PKD2L2: variants seen among roughly 807,000 people sequenced by gnomAD.
The protein encoded by PKD2L2 is polycystin 2 like 2, transient receptor potential cation channel.
Under a neutral mutation model 83.9 loss-of-function variants are expected in PKD2L2, and 67 were observed. That is an observed-to-expected ratio of 0.80 (90% CI 0.66 to 0.98). The LOEUF is 0.98. Ranked by LOEUF, PKD2L2 falls within the 50% of genes least tolerant of loss-of-function variation. The pLI is 0.00. For missense variants in PKD2L2, 632 were observed against 717.2 expected (o/e 0.88, Z 1.36); for synonymous variants, 223 against 237.8 (o/e 0.94, Z 0.57).
chr5:137,894,279 T>C lies in PKD2L2; in HGVS notation c.268-74T>C. On this transcript the variant is annotated intron_variant, in intron 3 of 14. Transcript: ENST00000508883. Reference sequence around the variant, plus strand: ...TGATTTTCATACTCAAAATCTCTTATGCATAATGTTATGAATGTAGATTCT... The same window carrying C: ...TGATTTTCATACTCAAAATCTCTTACGCATAATGTTATGAATGTAGATTCT... 6.4e-6 allele frequency: 8 copies of C among 1,243,114 alleles called. No individual in the cohort carries two copies. In the South Asian group the frequency reaches 9.9e-5, roughly 15 times the overall value. The allele number at this position is 1,243,114 out of a possible 1,614,324, so 77.0% of individuals were successfully genotyped here.
chr5:137,896,807 A>G (rs1206395711), intron 4 of PKD2L2, among the ~76,000 whole-genome samples: 1 of 151,986 alleles, frequency 6.6e-6, no homozygotes. Context: ...GCATCTCAAT[A>G]TAGTTATATC....
intron 8 of PKD2L2, among the ~76,000 whole-genome samples, chr5:137,915,249 G>C (rs1247416153): frequency 6.6e-6 from 1 of 151,930 alleles, no homozygotes; most frequent in East Asian, 1.9e-4. Context: ...TCAGGGTAAT[G>C]CTGGCCATGT....
In PKD2L2 at chr5:137,901,270, T is replaced by C. The variant is rs145009452; in HGVS notation, c.746+1533T>C. ...TACTTTTAGAAAGAGGTTTCACTTTTAAAAATGTCAAGATAGCAGAAGTAG... is the reference window on the plus strand; with the variant it reads ...TACTTTTAGAAAGAGGTTTCACTTTCAAAAATGTCAAGATAGCAGAAGTAG... On this transcript the variant is annotated intron_variant, in intron 5 of 14. Coordinates refer to ENST00000508883, the MANE Select transcript of PKD2L2 (RefSeq NM_001300921.2). Among the ~76,000 whole-genome samples, 544 of 152,260 alleles carry C rather than the reference T, an allele frequency of 3.6e-3. 6 individuals are homozygous for C. Among genetic ancestry groups the C allele is most frequent in the Middle Eastern group, 0.01 (3 of 294 alleles).
intron 2 of PKD2L2, 151 bp downstream of exon 2, chr5:137,890,733 A>G (rs1220508333): frequency 2.0e-6 from 1 of 492,868 alleles, no homozygotes; most frequent in Admixed American, 4.3e-5. Context: ...TCTTAAATTC[A>G]TTTAGATTCA....
At chr5:137,896,210 C>G (rs1172298114) in intron 4 of PKD2L2, among the ~76,000 whole-genome samples, 1 of 151,654 alleles carries the variant, frequency 6.6e-6, no homozygotes, top group Non-Finnish European at 1.5e-5. Flanking sequence ...AGAGAATAGA[C>G]ATTTTTTGTA....
chr5:137,894,229 A>G, intron 3 of PKD2L2, 124 bp from the exon 4 acceptor site: 1 of 822,964 alleles, frequency 1.2e-6, no homozygotes. Context: ...TACCATTACC[A>G]TTAATGGTAG....
intron 8 of PKD2L2, among the ~76,000 whole-genome samples, chr5:137,921,132 G>A (rs1758857353): frequency 6.6e-6 from 1 of 152,106 alleles, no homozygotes; most frequent in Non-Finnish European, 1.5e-5. Flanking sequence ...AGGCCGAGGT[G>A]GGCGGATCAC....
chr5:137,933,259 T>C (rs1760037100), intron 12 of PKD2L2, among the ~76,000 whole-genome samples: 1 of 152,172 alleles, frequency 6.6e-6, no homozygotes, highest in Admixed American at 6.5e-5. Context: ...CATAAAATGA[T>C]GATTCCAAGC....
chr5:137,927,319 T>C (rs1561703918), intron 12 of PKD2L2, among the ~76,000 whole-genome samples: 1 of 152,212 alleles, frequency 6.6e-6, no homozygotes, highest in Admixed American at 6.5e-5. Flanking sequence ...GTCAAAGACA[T>C]ATAATCTTAA....
In PKD2L2 at chr5:137,908,850, C is replaced by A; in HGVS notation, c.1232C>A (p.Ala411Asp). The A allele has an allele frequency of 6.3e-7, 1 of 1,596,082 alleles. No individual in the cohort carries two copies. The highest frequency in any genetic ancestry group is 8.6e-7 in the Non-Finnish European group (1 of 1,164,140). The change falls in exon 8 of 15, where the codon GCC (alanine) becomes GAC (aspartate). Residue 411 changes from alanine (A) to aspartate (D), a missense_variant. By Grantham distance (126) the Ala-to-Asp change is moderately radical. Around this residue, in one of 3 missense-constraint regions of PKD2L2, gnomAD observed 399 missense variants for 416.9 expected, o/e 0.96. Transcript: ENST00000508883. ...TGTGTTAAAGACATAGTAGGATTTG[C>A]CATCATGTTTTTTATAATATTCTTT... ...SRCVKDIVGF[A>D]IMFFIIFFAY...
chr5:137,931,218 T>C (rs1166132246), intron 12 of PKD2L2, among the ~76,000 whole-genome samples: 1 of 152,126 alleles, frequency 6.6e-6, no homozygotes, highest in Non-Finnish European at 1.5e-5. Flanking sequence ...CAAAGAGCTG[T>C]CTCCAAAATC....
chr5:137,892,476 T>A lies in PKD2L2; in HGVS notation c.134-4T>A. ...ATTATTAAACAAAAAATTATTCTCC[T>A]TAGTGACTTTTGGGATGGTAAACCC... is the stretch of plus-strand genomic sequence containing the variant. On this transcript the variant is annotated splice_polypyrimidine_tract_variant and splice_region_variant and intron_variant, in intron 2 of 14. Transcript: ENST00000508883. 1 of 1,461,768 alleles carries A rather than the reference T, an allele frequency of 6.8e-7. No homozygotes were observed. The highest frequency in any genetic ancestry group is 1.4e-5 in the African/African-American group (1 of 69,964). 90.5% of individuals were successfully genotyped at this position (1,461,768 alleles called of 1,614,324 possible). A position where few individuals can be genotyped will look rare whatever the true frequency, so the allele number is the denominator to read the frequency against.
At chr5:137,933,189 G>C (rs2150062405) in intron 12 of PKD2L2, among the ~76,000 whole-genome samples, 1 of 152,220 alleles carries the variant, frequency 6.6e-6, no homozygotes, top group South Asian at 2.1e-4. Context: ...GTATAAGAGG[G>C]TAAATTTTGA....
chr5:137,939,796 T>C, intron 14 of PKD2L2: 1 of 1,161,248 alleles, frequency 8.6e-7, no homozygotes, highest in South Asian at 3.0e-5. Context: ...AAATTTTCAG[T>C]CATTCTGTAA....
chr5:137,897,012 T>A (rs1483760860), intron 4 of PKD2L2, among the ~76,000 whole-genome samples: 2 of 145,546 alleles, frequency 1.4e-5, no homozygotes, highest in African/African-American at 5.0e-5. Flanking sequence ...AATACATTCA[T>A]AAGTATGATG....
chr5:137,930,181 C>A (rs1304848058), intron 12 of PKD2L2, among the ~76,000 whole-genome samples: 1 of 152,058 alleles, frequency 6.6e-6, no homozygotes, highest in Non-Finnish European at 1.5e-5. Context: ...TCAGAAAATA[C>A]CCCTCCTTTT....
chr5:137,906,393 T>C lies in PKD2L2; in HGVS notation c.934T>C (p.Phe312Leu). The change falls in exon 6 of 15, where the codon TTC becomes CTC. Residue 312 changes from phenylalanine to leucine, a missense_variant. Around this residue, in one of 3 missense-constraint regions of PKD2L2, gnomAD observed 399 missense variants for 416.9 expected, o/e 0.96. Coordinates refer to ENST00000508883, the MANE Select transcript of PKD2L2 (RefSeq NM_001300921.2). The part of the protein sequence containing the change: ...KKIKEFKSAY[F>L]KSIWNWLELL... ...AATAAAAGAATTTAAGTCTGCCTAT[T>C]TCAAAAGTATTTGGAACTGGCTAGA... 1 of 1,610,202 alleles carries C rather than the reference T, an allele frequency of 6.2e-7. No homozygotes were observed. Among genetic ancestry groups the C allele is most frequent in the Non-Finnish European group, 8.5e-7 (1 of 1,177,144 alleles).
At chr5:137,928,348 GACA>G (rs1759547128) in intron 12 of PKD2L2, among the ~76,000 whole-genome samples, 1 of 130,122 alleles carries the variant, frequency 7.7e-6, no homozygotes, top group African/African-American at 3.0e-5. Flanking sequence ...GACCAGCCTG[GACA>G]ACATGGTGAA....
At chr5:137,926,360 C>T (rs1759375440) in intron 12 of PKD2L2, among the ~76,000 whole-genome samples, 1 of 71,528 alleles carries the variant, frequency 1.4e-5, no homozygotes, top group African/African-American at 3.8e-5. Context: ...TTACCACTAC[C>T]ACTTAAAAAA....
Sources: gnomAD v4.1 joint callset for allele counts (sites outside exome capture counted in the v4.1 genomes callset) on GRCh38, gnomAD v4.1.1 for gene constraint, gnomAD v4.1.1 regional missense constraint, MANE v1.5 for transcripts, NCBI Gene and HGNC (gene_info 2026-07-23, HGNC 2026-07-21) for gene names.